Variants in BLM observed in about 807,000 individuals in gnomAD.
BLM encodes the protein BLM RecQ like helicase, also known as recQ-like DNA helicase BLM.
A neutral mutation model predicts 135.3 loss-of-function variants in BLM; 95 were observed. The ratio of observed to expected loss-of-function variants is 0.70; its 90% CI spans 0.59 to 0.83. The LOEUF is 0.83. Among genes scored for constraint, BLM ranks in the 40% least tolerant of loss-of-function variants. The pLI is 0.00. For synonymous variants in BLM, 520 were observed against 589.2 expected, an observed-to-expected ratio of 0.88 and a Z score of 1.70; for missense variants, 1,518 against 1,663.9, an observed-to-expected ratio of 0.91 and a Z score of 1.53.
intron 1 of BLM, among the ~76,000 whole-genome samples, chr15:90,728,543 C>T (rs951444324): frequency 1.3e-5 from 2 of 151,900 alleles, no homozygotes; most frequent in Non-Finnish European, 2.9e-5. Context: ...ATTATAGGCA[C>T]GTGCCACTAC....
chr15:90,721,507 G>C (rs1894765144), intron 1 of BLM, among the ~76,000 whole-genome samples: 1 of 151,420 alleles, frequency 6.6e-6, no homozygotes, highest in Admixed American at 6.6e-5. Context: ...TTGTATTTTT[G>C]GTACAGATGG....
chr15:90,747,452 A>C lies in BLM; in HGVS notation c.60A>C (p.Thr20=). 1 of 1,610,804 alleles carries C rather than the reference A, an allele frequency of 6.2e-7. No homozygotes were observed. Among genetic ancestry groups the C allele is most frequent in the South Asian group, 1.1e-5 (1 of 90,518 alleles). Residue 20 remains threonine (T), a synonymous_variant, in exon 2 of 22, where the codon ACA becomes ACC. Transcript: ENST00000355112. ...AACTAGAACGTCACTCAGCCAGAAC[A>C]CTTAATAATAAATTAAGTCTTTCAA... The part of the protein sequence containing the change: ...QEQLERHSAR[T]LNNKLSLSKP...
intron 12 of BLM, among the ~76,000 whole-genome samples, chr15:90,774,928 A>G (rs16944803): frequency 0.32 from 48,733 of 151,936 alleles, 9,822 homozygotes; most frequent in African/African-American, 0.58. Flanking sequence ...ATCATGGAGG[A>G]TCTTGCATAT....
chr15:90,726,370 G>A (rs79405344), intron 1 of BLM, among the ~76,000 whole-genome samples: 1 of 152,200 alleles, frequency 6.6e-6, no homozygotes, highest in Admixed American at 6.5e-5. Flanking sequence ...CTGGGTTCAA[G>A]CAATTCTCCT....
chr15:90,745,121 G>A (rs972861233), intron 1 of BLM, among the ~76,000 whole-genome samples: 6 of 152,074 alleles, frequency 3.9e-5, no homozygotes, highest in Non-Finnish European at 8.8e-5. Flanking sequence ...AAATGCATAA[G>A]GTATGCCTGG....
intron 1 of BLM, among the ~76,000 whole-genome samples, chr15:90,743,022 A>G (rs1395929982): frequency 2.7e-5 from 4 of 146,888 alleles, no homozygotes; most frequent in African/African-American, 5.0e-5. Flanking sequence ...TTTTTTAAAC[A>G]CAGGGTCTCA....
At chr15:90,738,215 T>G (rs1000338549) in intron 1 of BLM, among the ~76,000 whole-genome samples, 1 of 152,180 alleles carries the variant, frequency 6.6e-6, no homozygotes, top group Admixed American at 6.5e-5. Context: ...ACTGGTCATT[T>G]CTAACCAATA....
chr15:90,760,365 C>A (rs1207004523), intron 6 of BLM, 86 bp downstream of exon 6: 3 of 1,560,944 alleles, frequency 1.9e-6, no homozygotes, highest in Non-Finnish European at 1.8e-6. Flanking sequence ...AATGTTCAGG[C>A]TTTCTGGCCT....
chr15:90,753,783 T>A (rs1895748477), intron 4 of BLM, among the ~76,000 whole-genome samples: 2 of 152,198 alleles, frequency 1.3e-5, no homozygotes, highest in South Asian at 4.1e-4. Context: ...TTCCAAAACC[T>A]CTGTAGCTGG....
chr15:90,798,230 T>C lies in BLM; in HGVS notation c.3251T>C (p.Ile1084Thr). ...GATGTGACTGACGATGTGAAAAGTA[T>C]TGTAAGATTTGTTCAAGAACATAGT... ...TRDVTDDVKS[I>T]VRFVQEHSSS... The change falls in exon 17 of 22, where the codon ATT becomes ACT. Residue 1084 changes from isoleucine to threonine, a missense_variant. Physicochemically the swap from Ile to Thr is moderately conservative, Grantham distance 89. This residue lies in a region of BLM where 626 missense variants were observed against 681.1 expected (regional missense o/e 0.92). Coordinates refer to ENST00000355112, the MANE Select transcript of BLM (RefSeq NM_000057.4). The C allele has an allele frequency of 6.2e-7, 1 of 1,609,924 alleles. No individual in the cohort carries two copies. The highest frequency in any genetic ancestry group is 8.5e-7 in the Non-Finnish European group (1 of 1,176,698).
In BLM at chr15:90,762,949, G is replaced by A. The variant is rs376931510; in HGVS notation, c.1883-17G>A. ...TATTCATGTACTGATTTTTCTTAAC[G>A]TTGATTATTTTCCTAGACAAGTCAG... On this transcript the variant is annotated splice_polypyrimidine_tract_variant and intron_variant, in intron 7 of 21. Transcript: ENST00000355112. 6.9e-5 allele frequency: 111 copies of A among 1,608,908 alleles called. No homozygotes were observed. The African/African-American group carries it at 1.3e-3, about 18-fold the overall frequency.
Position 90,751,896 on chromosome 15 carries a change from T to C in BLM, c.909T>C (p.Pro303=), listed in dbSNP as rs767770187. 1.5e-5 allele frequency: 24 copies of C among 1,613,206 alleles called. No homozygotes were observed. Among genetic ancestry groups the C allele is most frequent in the Non-Finnish European group, 2.0e-5 (24 of 1,179,368 alleles). Residue 303 remains proline, a synonymous_variant, in exon 4 of 22, where the codon CCT becomes CCC. Transcript: ENST00000355112. The part of the protein sequence containing the change: ...DDDYDTDFVP[P]SPEEIISASS... ...ATTATGATACGGATTTTGTTCCACC[T>C]TCTCCAGAAGAAATTATTTCTGCTT...
chr15:90,749,088 C>T (rs978669562), intron 2 of BLM, among the ~76,000 whole-genome samples: 10 of 152,108 alleles, frequency 6.6e-5, no homozygotes, highest in African/African-American at 2.4e-4. Context: ...GCTGTCACCC[C>T]GCTCTGGAGA....
intron 1 of BLM, among the ~76,000 whole-genome samples, chr15:90,725,075 A>ATT (rs1894874757): frequency 6.6e-6 from 1 of 152,002 alleles, no homozygotes; most frequent in African/African-American, 2.4e-5. Context: ...TGCCTGGCTA[A>ATT]TTTTTGTATT....
chr15:90,787,200 C>T (rs1055766242), intron 14 of BLM, among the ~76,000 whole-genome samples: 5 of 138,392 alleles, frequency 3.6e-5, no homozygotes, highest in African/African-American at 1.2e-4. Context: ...TAGGCACCCG[C>T]CACCACGCCC....
rs1254652311 is a variant in BLM, at chr15:90,722,309, C to G, written c.-5+4869C>G. Among the ~76,000 whole-genome samples, 5 of 152,052 alleles carry G rather than the reference C, an allele frequency of 3.3e-5. 1 individual carries two copies. The East Asian group carries it at 7.8e-4, about 24-fold the overall frequency. Reference sequence around the variant, plus strand: ...TATTTTTAGTAGAGACCGGGTTTCACTGTGTTAGCCAGGATGGTCTCGATC... The same window carrying G: ...TATTTTTAGTAGAGACCGGGTTTCAGTGTGTTAGCCAGGATGGTCTCGATC... On this transcript the variant is annotated intron_variant, in intron 1 of 21. Transcript: ENST00000355112.
chr15:90,798,094 G>A, intron 16 of BLM, 96 bp from the exon 17 acceptor site: 1 of 1,116,038 alleles, frequency 9.0e-7, no homozygotes, highest in Non-Finnish European at 1.3e-6. Flanking sequence ...GTCTGGAAAT[G>A]GGTTATGATG....
chr15:90,759,634 C>T (rs1429100408), intron 5 of BLM, among the ~76,000 whole-genome samples: 1 of 151,636 alleles, frequency 6.6e-6, no homozygotes, highest in Non-Finnish European at 1.5e-5. Flanking sequence ...GAGACAAAGT[C>T]TCACTTTTGT....
At chr15:90,767,822 C>T (rs1896176450) in intron 10 of BLM, among the ~76,000 whole-genome samples, 1 of 152,160 alleles carries the variant, frequency 6.6e-6, no homozygotes, top group South Asian at 2.1e-4. Flanking sequence ...ATTTTACCCA[C>T]AAGTTTTAGT....
Sources: allele counts gnomAD v4.1 joint callset (sites outside exome capture counted in the v4.1 genomes callset), GRCh38; gene constraint gnomAD v4.1.1; regional missense constraint gnomAD v4.1.1; transcripts MANE v1.5; gene names NCBI Gene and HGNC (gene_info 2026-07-23, HGNC 2026-07-21).